MAP3K19: variants seen among roughly 807,000 people sequenced by gnomAD.
MAP3K19 encodes the protein mitogen-activated protein kinase kinase kinase 19.
Under a neutral mutation model 114.4 loss-of-function variants are expected in MAP3K19, and 91 were observed. The ratio of observed to expected loss-of-function variants is 0.80; its 90% CI spans 0.67 to 0.95. The LOEUF (loss-of-function observed/expected upper bound fraction) is 0.95. Ranked by LOEUF, MAP3K19 falls within the 40% of genes least tolerant of loss-of-function variation. The pLI is 0.00. For synonymous variants in MAP3K19, 518 were observed against 530.5 expected (o/e 0.98, Z 0.32); for missense variants, 1,471 against 1,573.2 (o/e 0.94, Z 1.10).
At chr2:135,031,844 A>T (rs978330661) in intron 2 of MAP3K19, among the ~76,000 whole-genome samples, 1 of 152,222 alleles carries the variant, frequency 6.6e-6, no homozygotes, top group African/African-American at 2.4e-5. Context: ...GCCAGAAATC[A>T]GGGATAATTC....
chr2:135,038,628 T>G (rs1234511000), intron 2 of MAP3K19, among the ~76,000 whole-genome samples: 1 of 151,810 alleles, frequency 6.6e-6, no homozygotes, highest in Non-Finnish European at 1.5e-5. Context: ...CCAAGGTGGG[T>G]GGATTGCCTG....
chr2:134,989,693 A>C (rs1040882005), intron 9 of MAP3K19, among the ~76,000 whole-genome samples: 2 of 152,252 alleles, frequency 1.3e-5, no homozygotes, highest in African/African-American at 2.4e-5. Context: ...ATATCTTTCC[A>C]AAAACTTATA....
At chr2:135,016,607 T>G (rs1188166360) in intron 5 of MAP3K19, among the ~76,000 whole-genome samples, 2 of 152,222 alleles carry the variant, frequency 1.3e-5, no homozygotes, top group African/African-American at 2.4e-5. Flanking sequence ...AGAATTGACA[T>G]CTTTATAAAA....
Position 134,986,944 on chromosome 2 carries a change from T to C in MAP3K19, c.1928A>G (p.Asp643Gly). 2 of 1,614,016 alleles carry C rather than the reference T, an allele frequency of 1.2e-6. No homozygotes were observed. The highest frequency in any genetic ancestry group is 1.1e-5 in the South Asian group (1 of 91,080). The stretch of plus-strand genomic sequence containing the variant: ...TTTGAACATATCACTATACTTAAGA[T>C]CTAGGTAATTTAGTCTTGGCTCTGT... ...QPTEPRLNYL[D>G]LKYSDMFKEI... Residue 643 changes from aspartate (D) to glycine (G), a missense_variant, in exon 10 of 13, where the codon GAT becomes GGT. Asp to Gly is a moderately conservative substitution (Grantham distance 94). Coordinates refer to ENST00000392915, the MANE Select transcript of MAP3K19 (RefSeq NM_025052.5).
chr2:134,987,337 A>C lies in MAP3K19; in HGVS notation c.1535T>G (p.Ile512Ser). 6.2e-7 allele frequency: 1 copy of C among 1,613,990 alleles called. No homozygotes were observed. Among genetic ancestry groups the C allele is most frequent in the African/African-American group, 1.3e-5 (1 of 74,944 alleles). ...KPSLQTRKGT[I>S]HNNHSVNIPV... ...TATGTTGACACTATGGTTGTTATGA[A>C]TGGTTCCCTTTCTTGTTTGGAGGCT... The change falls in exon 10 of 13, where the codon ATT becomes AGT. Residue 512 changes from isoleucine (I) to serine (S), a missense_variant. Coordinates refer to ENST00000392915, the MANE Select transcript of MAP3K19 (RefSeq NM_025052.5).
intron 5 of MAP3K19, among the ~76,000 whole-genome samples, chr2:135,010,811 TG>T (rs1559178133): frequency 6.6e-6 from 1 of 152,026 alleles, no homozygotes; most frequent in African/African-American, 2.4e-5. Flanking sequence ...TTAATTTTTT[TG>T]TAGAGACAAA....
intron 12 of MAP3K19, among the ~76,000 whole-genome samples, chr2:134,968,956 G>A: frequency 6.6e-6 from 1 of 152,194 alleles, no homozygotes; most frequent in Non-Finnish European, 1.5e-5. Context: ...GTGGCGGCCG[G>A]GCAGAGGCTG....
chr2:134,975,443 C>A (rs886956859), intron 12 of MAP3K19, among the ~76,000 whole-genome samples: 1 of 152,138 alleles, frequency 6.6e-6, no homozygotes, highest in Admixed American at 6.5e-5. Context: ...TGCTCAGACA[C>A]CGGCAGGGCT....
chr2:135,035,314 C>T (rs1299404404), intron 2 of MAP3K19, among the ~76,000 whole-genome samples: 1 of 152,112 alleles, frequency 6.6e-6, no homozygotes, highest in East Asian at 1.9e-4. Flanking sequence ...GGAGGATCAC[C>T]TCAGCCCAGG....
chr2:135,045,196 T>C (rs1688716624), intron 1 of MAP3K19, among the ~76,000 whole-genome samples: 2 of 152,228 alleles, frequency 1.3e-5, no homozygotes, highest in South Asian at 4.1e-4. Flanking sequence ...CCACCAGTAA[T>C]GCCTAACAGT....
intron 12 of MAP3K19, among the ~76,000 whole-genome samples, chr2:134,970,853 C>T (rs1358473943): frequency 6.6e-6 from 1 of 152,214 alleles, no homozygotes; most frequent in Non-Finnish European, 1.5e-5. Flanking sequence ...TGCCTTAGCC[C>T]CACAAAGTGC....
intron 4 of MAP3K19, among the ~76,000 whole-genome samples, chr2:135,024,291 T>C (rs1354482966): frequency 6.6e-6 from 1 of 152,232 alleles, no homozygotes; most frequent in East Asian, 1.9e-4. Flanking sequence ...TTGTTTGGAC[T>C]CTTTTCCTAC....
In MAP3K19 at chr2:134,981,355, G is replaced by A; in HGVS notation, c.3386C>T (p.Thr1129Ile). The A allele has an allele frequency of 1.2e-6, 2 of 1,614,182 alleles. No homozygotes were observed. Among genetic ancestry groups the A allele is most frequent in the Non-Finnish European group, 1.7e-6 (2 of 1,180,044 alleles). ...KHVNIVAYLG[T>I]CLQENTVSIF... ...GCTCACAGTGTTCTCTTGCAAGCAT[G>A]TCCCCAAATAGGCCACAATGTTGAC... Residue 1129 changes from threonine to isoleucine, a missense_variant, in exon 12 of 13, where the codon ACA becomes ATA. Thr to Ile is a moderately conservative substitution (Grantham distance 89). Coordinates refer to ENST00000392915, the MANE Select transcript of MAP3K19 (RefSeq NM_025052.5).
At chr2:134,972,790 C>T (rs1683968774) in intron 12 of MAP3K19, among the ~76,000 whole-genome samples, 1 of 152,170 alleles carries the variant, frequency 6.6e-6, no homozygotes, top group Non-Finnish European at 1.5e-5. Flanking sequence ...TCCCTCTTAG[C>T]ACTGCTTTTA....
At chr2:135,007,097 T>G (rs1326796650) in intron 5 of MAP3K19, among the ~76,000 whole-genome samples, 2 of 150,268 alleles carry the variant, frequency 1.3e-5, no homozygotes, top group South Asian at 2.1e-4. Flanking sequence ...CATAGGAGGT[T>G]GAGGCTGCAG....
At chr2:135,042,615 C>A (rs1688669356) in intron 1 of MAP3K19, among the ~76,000 whole-genome samples, 1 of 152,018 alleles carries the variant, frequency 6.6e-6, no homozygotes, top group African/African-American at 2.4e-5. Context: ...GAAGGACAGG[C>A]ATGAACTCAG....
chr2:134,999,750 C>T lies in MAP3K19; in HGVS notation c.314+187G>A, dbSNP rs35207259. Among the ~76,000 whole-genome samples, 36,578 of 151,960 alleles carry T rather than the reference C, an allele frequency of 0.24. 5,441 individuals are homozygous for T. Among genetic ancestry groups the T allele is most frequent in the African/African-American group, 0.39 (16,261 of 41,394 alleles). On this transcript the variant is annotated intron_variant, in intron 7 of 12. Coordinates refer to ENST00000392915, the MANE Select transcript of MAP3K19 (RefSeq NM_025052.5). This position sits in a 1 kb window ranked among gnomAD's most constrained non-coding sequence, Gnocchi z 4.1. ...AATGACAGTTGCAGAGTTGAATCAT[C>T]ACAACAGAGACCATATGGCCCACAC...
chr2:134,964,513 A>AT lies in MAP3K19; in HGVS notation c.*336_*337insA, dbSNP rs1683212114. ...AAGTTGTTTTTACAATTTATTTTAAACTAACAACATTAAAATTGACAGGAC... is the reference window on the plus strand; with the variant it reads ...AAGTTGTTTTTACAATTTATTTTAAATCTAACAACATTAAAATTGACAGGAC... On this transcript the variant is annotated 3_prime_UTR_variant, in exon 13 of 13. Coordinates refer to ENST00000392915, the MANE Select transcript of MAP3K19 (RefSeq NM_025052.5). The AT allele has an allele frequency of 6.0e-6, 1 of 166,938 alleles. No individual in the cohort carries two copies. The highest frequency in any genetic ancestry group is 1.3e-5 in the Non-Finnish European group (1 of 77,826). The allele number at this position is 166,938 out of a possible 1,614,324, so 10.3% of individuals were successfully genotyped here. A position where few individuals can be genotyped will look rare whatever the true frequency, so the allele number is the denominator to read the frequency against.
chr2:135,017,139 A>G (rs1203464394), intron 5 of MAP3K19, among the ~76,000 whole-genome samples: 4 of 152,130 alleles, frequency 2.6e-5, no homozygotes, highest in African/African-American at 9.7e-5. Flanking sequence ...GGCTCTTCAT[A>G]TTAAGGAAGA....
Sources: gnomAD v4.1 joint callset for allele counts (sites outside exome capture counted in the v4.1 genomes callset) on GRCh38, gnomAD v4.1.1 for gene constraint, Gnocchi (gnomAD v3.1) non-coding constraint, MANE v1.5 for transcripts, NCBI Gene and HGNC (gene_info 2026-07-23, HGNC 2026-07-21) for gene names.